Variants in DMD observed in about 807,000 individuals in gnomAD.
The protein encoded by DMD is dystrophin.
In DMD, 63 loss-of-function variants were observed where a neutral mutation model predicts 330.1. That is an observed-to-expected ratio of 0.19 (90% CI 0.16 to 0.24). The LOEUF (loss-of-function observed/expected upper bound fraction) is 0.24, where lower values mean the gene tolerates loss of function less well. Among genes scored for constraint, DMD ranks in the 10% least tolerant of loss-of-function variants. The pLI is 1.00. For missense variants in DMD, 3,344 were observed against 2,684.1 expected, an observed-to-expected ratio of 1.25 and a Z score of -5.43; for synonymous variants, 1,223 against 959.8, an observed-to-expected ratio of 1.27 and a Z score of -5.07.
intron 42 of DMD, among the ~76,000 whole-genome samples, chrX:32,292,320 A>ATTTT (rs1160310015): frequency 1.4e-4 from 1 of 7,239 alleles, no homozygotes. Context: ...TTTTTTTTTG[A>ATTTT]GATGGAGTCT....
At chrX:32,793,393 A>AG (rs889627213) in intron 7 of DMD, among the ~76,000 whole-genome samples, 3 of 111,588 alleles carry the variant, frequency 2.7e-5, no homozygotes, top group African/African-American at 9.8e-5. Flanking sequence ...AGAAAAAAAA[A>AG]CAAACCAAAC....
intron 44 of DMD, among the ~76,000 whole-genome samples, chrX:32,149,164 T>C (rs1187534305): frequency 9.0e-6 from 1 of 111,698 alleles, no homozygotes; most frequent in Non-Finnish European, 1.9e-5. Flanking sequence ...CAGAAATGTC[T>C]CCAAGGTTTT....
intron 7 of DMD, among the ~76,000 whole-genome samples, chrX:32,716,007 AATC>A (rs1173134461): frequency 1.8e-5 from 2 of 111,938 alleles, no homozygotes; most frequent in African/African-American, 6.5e-5. Context: ...ATAATGAGAA[AATC>A]ATATTATTTT....
intron 1 of DMD, among the ~76,000 whole-genome samples, chrX:33,169,255 A>G (rs760170037): frequency 1.1e-4 from 12 of 112,034 alleles, no homozygotes; most frequent in Admixed American, 1.9e-4. Context: ...AAGGCCTCTG[A>G]AACAATACAA....
intron 74 of DMD, among the ~76,000 whole-genome samples, chrX:31,163,404 C>T (rs955051603): frequency 1.8e-5 from 2 of 111,456 alleles, no homozygotes; most frequent in Non-Finnish European, 3.8e-5. Context: ...CCCAGCCACA[C>T]GGAACTGTGA....
At chrX:32,592,627 G>T (rs2055049024) in intron 13 of DMD, among the ~76,000 whole-genome samples, 1 of 112,060 alleles carries the variant, frequency 8.9e-6, no homozygotes, top group South Asian at 3.7e-4. Flanking sequence ...CATGGGACAA[G>T]AACTCAGGAC....
intron 7 of DMD, among the ~76,000 whole-genome samples, chrX:32,766,062 T>G (rs1222122873): frequency 8.9e-6 from 1 of 111,778 alleles, no homozygotes; most frequent in African/African-American, 3.2e-5. Context: ...TACATTCCCT[T>G]TTTTTAAGCC....
chrX:31,964,215 A>G (rs1194364446), intron 45 of DMD, among the ~76,000 whole-genome samples: 1 of 111,796 alleles, frequency 8.9e-6, no homozygotes, highest in African/African-American at 3.3e-5. Context: ...AAAAAAATAA[A>G]ACAAATCCTG....
Position 32,094,315 on chromosome X carries a change from T to C in DMD, c.6438+122601A>G, listed in dbSNP as rs1472521334. On this transcript the variant is annotated intron_variant, in intron 44 of 78. Coordinates refer to ENST00000357033, the MANE Select transcript of DMD (RefSeq NM_004006.3). ...GTGGCAATAATAAATAAAACATTTATGAACACACAATATTGTTAAAACTCC... is the reference window on the plus strand; with the variant it reads ...GTGGCAATAATAAATAAAACATTTACGAACACACAATATTGTTAAAACTCC... Among the ~76,000 whole-genome samples, 5 of 112,152 alleles carry C rather than the reference T, an allele frequency of 4.5e-5. No individual in the cohort carries two copies. The East Asian group carries it at 1.1e-3, about 25-fold the overall frequency.
chrX:33,243,410 G>A (rs934412334), intron 1 of DMD, among the ~76,000 whole-genome samples: 4 of 111,756 alleles, frequency 3.6e-5, no homozygotes, highest in Non-Finnish European at 5.6e-5. Flanking sequence ...TCCACATGTT[G>A]GCAAGGATAT....
At chrX:31,838,777 AGTAGTGACG>A (rs1460756351) in intron 48 of DMD, among the ~76,000 whole-genome samples, 1 of 111,558 alleles carries the variant, frequency 9.0e-6, no homozygotes, top group Non-Finnish European at 1.9e-5. Flanking sequence ...TGGGTGGGAT[AGTAGTGACG>A]GTAGTGACAA....
intron 42 of DMD, among the ~76,000 whole-genome samples, chrX:32,294,085 C>G (rs1022935182): frequency 9.0e-6 from 1 of 111,706 alleles, no homozygotes; most frequent in African/African-American, 3.3e-5. Flanking sequence ...GTTAACTTGC[C>G]TGACCTGGGC....
At chrX:32,773,084 G>A (rs1398623261) in intron 7 of DMD, among the ~76,000 whole-genome samples, 1 of 111,722 alleles carries the variant, frequency 9.0e-6, no homozygotes, top group Non-Finnish European at 1.9e-5. Context: ...TGAAGGTGGT[G>A]CTTACCCTTT....
chrX:32,124,503 G>C (rs974118239), intron 44 of DMD, among the ~76,000 whole-genome samples: 2 of 111,884 alleles, frequency 1.8e-5, no homozygotes, highest in African/African-American at 6.5e-5. Flanking sequence ...AGTCCTAATA[G>C]ACCCCAAAGG....
chrX:31,376,378 G>C (rs1308339128), intron 60 of DMD, among the ~76,000 whole-genome samples: 1 of 112,211 alleles, frequency 8.9e-6, no homozygotes, highest in Admixed American at 9.5e-5. Context: ...TTTTGACACA[G>C]ATTCTCTGCT....
At chrX:31,727,253 CAT>C (rs2086130478) in intron 52 of DMD, among the ~76,000 whole-genome samples, 1 of 112,163 alleles carries the variant, frequency 8.9e-6, no homozygotes, top group South Asian at 3.7e-4. Flanking sequence ...AATTCAGTCT[CAT>C]ATTGAGTAAA....
intron 44 of DMD, among the ~76,000 whole-genome samples, chrX:31,993,894 G>T (rs1376425902): frequency 8.9e-6 from 1 of 111,831 alleles, no homozygotes; most frequent in East Asian, 2.8e-4. Flanking sequence ...GAAGCAAACA[G>T]AGGAAAACAG....
At chrX:32,287,742 G>T (rs1423080261) in intron 42 of DMD, 41 bp from the exon 43 acceptor site, 2 of 958,665 alleles carry the variant, frequency 2.1e-6, no homozygotes, top group Non-Finnish European at 2.8e-6. Context: ...AAATGAATTA[G>T]CTGTCTATAG....
intron 2 of DMD, among the ~76,000 whole-genome samples, chrX:32,897,747 TCA>T (rs1270299030): frequency 5.4e-5 from 6 of 112,023 alleles, no homozygotes; most frequent in African/African-American, 1.9e-4. Context: ...AAATGTGTGT[TCA>T]TACTATTAAG....
Sources: gnomAD v4.1 joint callset for allele counts (sites outside exome capture counted in the v4.1 genomes callset) on GRCh38, gnomAD v4.1.1 for gene constraint, MANE v1.5 for transcripts, NCBI Gene and HGNC (gene_info 2026-07-23, HGNC 2026-07-21) for gene names.